The following AGBL1 variants were observed in gnomAD, a reference collection of about 807,000 sequenced individuals.
AGBL1 encodes AGBL carboxypeptidase 1.
Under a neutral mutation model 118.9 loss-of-function variants are expected in AGBL1, and 130 were observed. The ratio of observed to expected loss-of-function variants is 1.09; its 90% confidence interval spans 0.95 to 1.26. The LOEUF is 1.26. Ranked by LOEUF, AGBL1 falls within the 50% of genes most tolerant of loss-of-function variation. The pLI is 0.00. For missense variants in AGBL1, 1,584 were observed against 1,298.1 expected (o/e 1.22, Z -3.38); for synonymous variants, 555 against 478.9 (o/e 1.16, Z -2.08).
intron 18 of AGBL1, among the ~76,000 whole-genome samples, chr15:86,421,080 C>A (rs1222672048): frequency 6.6e-6 from 1 of 152,118 alleles, no homozygotes; most frequent in Non-Finnish European, 1.5e-5. Context: ...GCAAAACAGG[C>A]CAACATTCCA....
chr15:86,816,089 G>C (rs748153994), intron 22 of AGBL1, among the ~76,000 whole-genome samples: 2 of 152,144 alleles, frequency 1.3e-5, no homozygotes, highest in East Asian at 1.9e-4. Context: ...TGGATAAGAC[G>C]TGTCAGTTAA....
At chr15:86,350,430 T>C (rs1006222255) in intron 17 of AGBL1, among the ~76,000 whole-genome samples, 1 of 152,214 alleles carries the variant, frequency 6.6e-6, no homozygotes, top group Admixed American at 6.5e-5. Flanking sequence ...CATGTTGTAT[T>C]GGAACAGAAG....
intron 21 of AGBL1, among the ~76,000 whole-genome samples, chr15:86,629,731 C>G (rs1161180673): frequency 1.3e-5 from 2 of 149,430 alleles, no homozygotes; most frequent in African/African-American, 5.0e-5. Flanking sequence ...AAACAAATGC[C>G]AAAGAAACAG....
Position 86,911,565 on chromosome 15 carries a change from C to T in AGBL1, c.*4271C>T, listed in dbSNP as rs745411363. On this transcript the variant is annotated 3_prime_UTR_variant, in exon 23 of 23. Transcript: ENST00000614907. The stretch of plus-strand genomic sequence containing the variant: ...TCTCTTTGATTTGCCACAGAACATA[C>T]CCTCTTTCTCTCTCATCGCACTTAT... 6.6e-6 allele frequency: 1 copy of T among 152,266 alleles called. No homozygotes were observed. Among genetic ancestry groups the T allele is most frequent in the Admixed American group, 6.5e-5 (1 of 15,278 alleles). The allele number at this position is 152,266 out of a possible 1,614,324, so 9.4% of individuals were successfully genotyped here.
intron 21 of AGBL1, among the ~76,000 whole-genome samples, chr15:86,559,321 G>T (rs1369099408): frequency 6.6e-6 from 1 of 152,032 alleles, no homozygotes; most frequent in Non-Finnish European, 1.5e-5. Flanking sequence ...TAATAAACTG[G>T]GTCACACAAG....
At chr15:86,463,667 G>A (rs770625123) in intron 18 of AGBL1, among the ~76,000 whole-genome samples, 4 of 152,294 alleles carry the variant, frequency 2.6e-5, no homozygotes, top group Non-Finnish European at 4.4e-5. Context: ...TAGCTAGTGA[G>A]TTTTCCCAAC....
intron 14 of AGBL1, 42 bp from the exon 15 acceptor site, chr15:86,271,577 T>A: frequency 6.6e-7 from 1 of 1,507,542 alleles, no homozygotes; most frequent in South Asian, 1.1e-5. Context: ...CCAGAACAAC[T>A]CTCTTTCCCT....
In AGBL1 at chr15:86,168,889, C is replaced by G. The variant is rs185653398; in HGVS notation, c.488+9863C>G. ...TAGTTGAATATTTTTAAGAGTTTCT[C>G]TGTTTTTTATTTCCTCTTTGTGAAT... On this transcript the variant is annotated intron_variant, in intron 5 of 22. Transcript: ENST00000614907. Among the ~76,000 whole-genome samples the G allele has an allele frequency of 6.4e-3, 974 of 152,274 alleles. 15 individuals are homozygous for G. Among genetic ancestry groups the G allele is most frequent in the African/African-American group, 0.022 (935 of 41,568 alleles).
At chr15:86,509,211 T>C (rs1158407845) in intron 18 of AGBL1, among the ~76,000 whole-genome samples, 1 of 152,110 alleles carries the variant, frequency 6.6e-6, no homozygotes, top group Non-Finnish European at 1.5e-5. Context: ...CTACAGATTG[T>C]AGTCAAAGGA....
chr15:86,229,412 T>C (rs1291162518), intron 6 of AGBL1, among the ~76,000 whole-genome samples: 2 of 152,122 alleles, frequency 1.3e-5, no homozygotes, highest in African/African-American at 4.8e-5. Flanking sequence ...CCATCACATC[T>C]CATGAGAACT....
chr15:86,713,068 G>A (rs1195075989), intron 22 of AGBL1, among the ~76,000 whole-genome samples: 1 of 151,960 alleles, frequency 6.6e-6, no homozygotes, highest in Non-Finnish European at 1.5e-5. Flanking sequence ...TTGAGGCTGG[G>A]GTCTTTGTCT....
rs72765761 is a variant in AGBL1, at chr15:86,752,739, C to T, written c.3158+78303C>T. Among the ~76,000 whole-genome samples, 714 of 152,178 alleles carry T rather than the reference C, an allele frequency of 4.7e-3. 4 individuals are homozygous for T. Among genetic ancestry groups the T allele is most frequent in the Non-Finnish European group, 8.3e-3 (566 of 67,972 alleles). ...GAATAGATACCTTTGAAGCCATATT[C>T]TGGGAGAAAAAGTTGTTAAGAGAGG... On this transcript the variant is annotated intron_variant, in intron 22 of 22. Transcript: ENST00000614907.
chr15:86,245,377 T>G lies in AGBL1; in HGVS notation c.527-2294T>G, dbSNP rs77654507. Among the ~76,000 whole-genome samples the G allele has an allele frequency of 5.6e-3, 856 of 152,264 alleles. 8 individuals are homozygous for G. Among genetic ancestry groups the G allele is most frequent in the African/African-American group, 0.02 (824 of 41,554 alleles). On this transcript the variant is annotated intron_variant, in intron 6 of 22. Transcript: ENST00000614907. ...GCACATACTGTCTCATACGCCAGTG[T>G]GAATGGTTTCGATGATGGAGAGATG...
At chr15:86,495,360 G>A (rs2082835510) in intron 18 of AGBL1, among the ~76,000 whole-genome samples, 1 of 144,726 alleles carries the variant, frequency 6.9e-6, no homozygotes, top group Non-Finnish European at 1.5e-5. Flanking sequence ...ATCAGTTTCT[G>A]TGAAAGGTAT....
chr15:86,901,479 G>A (rs996737252), intron 22 of AGBL1, among the ~76,000 whole-genome samples: 10 of 151,920 alleles, frequency 6.6e-5, no homozygotes, highest in Admixed American at 6.6e-5. Flanking sequence ...ACATAATGGT[G>A]TCTTCATTTC....
rs368906425 is a variant in AGBL1 at position 86,807,380 on chromosome 15, T to G, written c.3159-99707T>G. 3.3e-5 allele frequency among the ~76,000 whole-genome samples: 5 copies of G among 152,266 alleles called. No homozygotes were observed. The East Asian group carries it at 7.7e-4, about 23-fold the overall frequency. The stretch of plus-strand genomic sequence containing the variant: ...GTAAGAGACATCACGTTGGAAGCAT[T>G]GAGCACCAAATGTGGAACATAGTAG... On this transcript the variant is annotated intron_variant, in intron 22 of 22. Coordinates refer to ENST00000614907, the MANE Select transcript of AGBL1 (RefSeq NM_001386094.1).
At chr15:86,541,877 A>G (rs764062537) in intron 19 of AGBL1, among the ~76,000 whole-genome samples, 1 of 152,192 alleles carries the variant, frequency 6.6e-6, no homozygotes, top group South Asian at 2.1e-4. Context: ...AGATAAGTAC[A>G]TGCTGTTACC....
intron 23 of AGBL1, chr15:86,935,177 T>C (rs953991227): frequency 3.3e-5 from 5 of 152,168 alleles, no homozygotes; most frequent in Non-Finnish European, 5.9e-5. Context: ...GACTTCTCCA[T>C]CATGTTCTTG....
chr15:86,672,735 G>A (rs1485894333), intron 21 of AGBL1, among the ~76,000 whole-genome samples: 2 of 116,018 alleles, frequency 1.7e-5, no homozygotes, highest in Admixed American at 8.6e-5. Context: ...CTTTTCTATT[G>A]ACTTAAGAAA....
Sources: allele counts gnomAD v4.1 joint callset (sites outside exome capture counted in the v4.1 genomes callset), GRCh38; gene constraint gnomAD v4.1.1; transcripts MANE v1.5; gene names NCBI Gene and HGNC (gene_info 2026-07-23, HGNC 2026-07-21).